VOPP1: variants seen among roughly 807,000 people sequenced by gnomAD.
VOPP1 encodes VOPP1 WW domain binding protein.
Under a neutral mutation model 23.5 loss-of-function variants are expected in VOPP1, and 8 were observed. That is an observed-to-expected ratio of 0.34 (90% CI 0.20 to 0.61). VOPP1 has a LOEUF of 0.61. VOPP1 is among the 20% of genes least tolerant of loss of function. The pLI, the probability that VOPP1 is intolerant of heterozygous loss-of-function variation, is 0.78. For synonymous variants in VOPP1, 83 were observed against 97.3 expected, an observed-to-expected ratio of 0.85 and a Z score of 0.86; for missense variants, 174 against 238.1, an observed-to-expected ratio of 0.73 and a Z score of 1.77.
intron 4 of VOPP1, among the ~76,000 whole-genome samples, chr7:55,439,950 C>G (rs1255105145): frequency 6.6e-6 from 1 of 152,094 alleles, no homozygotes; most frequent in African/African-American, 2.4e-5. Flanking sequence ...GGGTGGGGCT[C>G]GAGAATGTGT....
intron 4 of VOPP1, among the ~76,000 whole-genome samples, chr7:55,480,087 AATTTT>A (rs1792591237): frequency 6.6e-6 from 1 of 152,216 alleles, no homozygotes; most frequent in African/African-American, 2.4e-5. Context: ...GATTCGATAT[AATTTT>A]ATTTTGGTGT....
chr7:55,485,692 C>T (rs111266747), intron 4 of VOPP1, among the ~76,000 whole-genome samples: 2,399 of 152,304 alleles, frequency 0.016, 39 homozygotes, highest in Non-Finnish European at 0.025. Context: ...CGCCCGCACA[C>T]GGGACGTGCA....
At chr7:55,465,616 G>A (rs1041963310), downstream of VOPP1, among the ~76,000 whole-genome samples, 3 of 152,228 alleles carry the variant, frequency 2.0e-5, no homozygotes, top group Admixed American at 2.0e-4. Context: ...GAATGAGAGA[G>A]AGCAGAGGAT....
At chr7:55,543,072 C>A in intron 1 of VOPP1, among the ~76,000 whole-genome samples, 1 of 152,108 alleles carries the variant, frequency 6.6e-6, no homozygotes, top group Non-Finnish European at 1.5e-5. Flanking sequence ...CCTGCCACCA[C>A]GCCCGGCTAA....
In VOPP1 at chr7:55,515,609, C is replaced by G. The variant is rs148895981; in HGVS notation, c.113+5463G>C. ...CAGCAACCCAGTGCAGCAGGCACCA[C>G]GACCACACCTTTTTTAAGAAAACTG... On this transcript the variant is annotated intron_variant, in intron 2 of 4. Coordinates refer to ENST00000285279, the MANE Select transcript of VOPP1 (RefSeq NM_030796.5). 8.3e-4 allele frequency among the ~76,000 whole-genome samples: 127 copies of G among 152,344 alleles called. 2 individuals are homozygous for G. Among genetic ancestry groups the G allele is most frequent in the South Asian group, 6.2e-3 (30 of 4,828 alleles).
intron 1 of VOPP1, among the ~76,000 whole-genome samples, chr7:55,559,961 T>C (rs1198247541): frequency 6.6e-6 from 1 of 152,234 alleles, no homozygotes; most frequent in African/African-American, 2.4e-5. Flanking sequence ...CAGACCAGCC[T>C]GGCCAACATG....
At chr7:55,458,118 G>T (rs897450756) in intron 4 of VOPP1, among the ~76,000 whole-genome samples, 3 of 152,086 alleles carry the variant, frequency 2.0e-5, no homozygotes, top group African/African-American at 7.2e-5. Flanking sequence ...GACATTAGGG[G>T]TCTAGTTTCA....
At chr7:55,439,186 G>A (rs1014673402) in intron 4 of VOPP1, among the ~76,000 whole-genome samples, 1 of 152,064 alleles carries the variant, frequency 6.6e-6, no homozygotes, top group African/African-American at 2.4e-5. Flanking sequence ...GGGAAGTGAG[G>A]GAGATGAGAG....
intron 1 of VOPP1, among the ~76,000 whole-genome samples, chr7:55,548,319 C>T (rs1188874607): frequency 6.6e-6 from 1 of 152,244 alleles, no homozygotes; most frequent in African/African-American, 2.4e-5. Context: ...GTTTATGCTG[C>T]CTGTGTCTTC....
Position 55,525,489 on chromosome 7 carries a change from CAA to C in VOPP1, c.55-4361_55-4360del, listed in dbSNP as rs535700902. On this transcript the variant is annotated intron_variant, in intron 1 of 4. Transcript: ENST00000285279. ...GGGCGACAGAGCGAGACTCCGTCTC[CAA>C]AAAAAAAAAAAAAGAGTACAGACTC... is the stretch of plus-strand genomic sequence containing the variant. Among the ~76,000 whole-genome samples, 318 of 111,116 alleles carry C rather than the reference CAA, an allele frequency of 2.9e-3. 1 individual carries two copies. The highest frequency in any genetic ancestry group is 6.7e-3 in the African/African-American group (213 of 31,742). The allele number at this position is 111,116 out of a possible 152,430, so 72.9% of individuals were successfully genotyped here. A position where few individuals can be genotyped will look rare whatever the true frequency, so the allele number is the denominator to read the frequency against.
intron 4 of VOPP1, among the ~76,000 whole-genome samples, chr7:55,462,972 CT>C (rs1791542439): frequency 6.6e-6 from 1 of 152,050 alleles, no homozygotes; most frequent in Admixed American, 6.6e-5. Context: ...CTGTTTGGTT[CT>C]TTCTTTATGA....
chr7:55,538,786 A>T, intron 1 of VOPP1: 4 of 575,998 alleles, frequency 6.9e-6, no homozygotes, highest in Non-Finnish European at 1.2e-5. Context: ...TGAGCTGCTG[A>T]TGAGGAAACA....
chr7:55,466,173 G>A (rs573395777), downstream of VOPP1, among the ~76,000 whole-genome samples: 3 of 152,128 alleles, frequency 2.0e-5, no homozygotes, highest in African/African-American at 4.8e-5. Flanking sequence ...TTAGACTTCC[G>A]AACAGCCTCC....
intron 1 of VOPP1, among the ~76,000 whole-genome samples, chr7:55,547,453 AACGTAAGCCTCTGCAT>A (rs577210381): frequency 0.011 from 1,673 of 152,340 alleles, 11 homozygotes; most frequent in Middle Eastern, 0.02. Flanking sequence ...CTTTAATTTA[AACGTAAGCCTCTGCAT>A]ACCAATAAAC....
chr7:55,542,743 T>C (rs2129051343), intron 1 of VOPP1, among the ~76,000 whole-genome samples: 1 of 150,960 alleles, frequency 6.6e-6, no homozygotes, highest in Middle Eastern at 3.4e-3. Flanking sequence ...TGAACCGAGA[T>C]CGTGCCATTG....
chr7:55,496,787 G>T (rs1010990031), intron 3 of VOPP1, among the ~76,000 whole-genome samples: 1 of 152,216 alleles, frequency 6.6e-6, no homozygotes, highest in Non-Finnish European at 1.5e-5. Context: ...GCCTCAAAAG[G>T]TCAGTAAAGT....
chr7:55,490,733 T>C (rs1189896830), intron 4 of VOPP1, among the ~76,000 whole-genome samples: 1 of 152,186 alleles, frequency 6.6e-6, no homozygotes, highest in Non-Finnish European at 1.5e-5. Context: ...TCTGAAACGA[T>C]TCAAATATTT....
chr7:55,530,076 A>G (rs1469903342), intron 1 of VOPP1, among the ~76,000 whole-genome samples: 1 of 152,130 alleles, frequency 6.6e-6, no homozygotes, highest in East Asian at 1.9e-4. Context: ...ATACTAAGAA[A>G]AGTGGAATGG....
intron 3 of VOPP1, among the ~76,000 whole-genome samples, chr7:55,495,276 CT>C (rs566882531): frequency 5.6e-4 from 86 of 152,324 alleles, no homozygotes; most frequent in African/African-American, 1.9e-3. Context: ...CCATCCAGAC[CT>C]CCTTGGTGAA....
Sources: allele counts gnomAD v4.1 joint callset (sites outside exome capture counted in the v4.1 genomes callset), GRCh38; gene constraint gnomAD v4.1.1; transcripts MANE v1.5; gene names NCBI Gene and HGNC (gene_info 2026-07-23, HGNC 2026-07-21).